The following OSBPL5 variants were observed in gnomAD, a reference collection of about 807,000 sequenced individuals.
OSBPL5 encodes the protein oxysterol-binding protein-related protein 5.
In OSBPL5, 71 loss-of-function variants were observed where a neutral mutation model predicts 111.2. The ratio of observed to expected loss-of-function variants is 0.64; its 90% CI spans 0.53 to 0.78. The LOEUF (loss-of-function observed/expected upper bound fraction) is 0.78. Ranked by LOEUF, OSBPL5 falls within the 30% of genes least tolerant of loss-of-function variation. The pLI is 0.00. For missense variants in OSBPL5, 1,210 were observed against 1,189.3 expected (o/e 1.02, Z -0.26); for synonymous variants, 549 against 513.9 (o/e 1.07, Z -0.93).
chr11:3,156,190 G>C (rs189578602), intron 1 of OSBPL5, among the ~76,000 whole-genome samples: 5 of 152,312 alleles, frequency 3.3e-5, no homozygotes, highest in Non-Finnish European at 5.9e-5. Flanking sequence ...TCAGTCCCCC[G>C]GGAGAGTGCC....
At chr11:3,120,100 G>C (rs1858349819) in intron 6 of OSBPL5, 1 of 495,756 alleles carries the variant, frequency 2.0e-6, no homozygotes, top group Non-Finnish European at 3.7e-6. Context: ...GGCAGCCCCG[G>C]GTTAGGAGGG....
At chr11:3,111,972 TATGTGTGC>T (rs1857961596) in intron 7 of OSBPL5, among the ~76,000 whole-genome samples, 2 of 119,420 alleles carry the variant, frequency 1.7e-5, no homozygotes, top group Non-Finnish European at 4.0e-5. Flanking sequence ...TGTGTGTGCA[TATGTGTGC>T]GCGCATGTGT....
intron 1 of OSBPL5, among the ~76,000 whole-genome samples, chr11:3,150,231 C>T (rs142903596): frequency 2.5e-3 from 380 of 152,292 alleles, no homozygotes; most frequent in Non-Finnish European, 4.3e-3. Context: ...AAGTTGCCCT[C>T]GGGAGCCAGG....
At chr11:3,119,792 T>C (rs1414483863) in intron 6 of OSBPL5, 161 bp from the exon 7 acceptor site, 1 of 584,568 alleles carries the variant, frequency 1.7e-6, no homozygotes, top group Admixed American at 3.8e-5. Flanking sequence ...GGTAGACACT[T>C]GGCTGCAGAG....
rs185192473 is a variant in OSBPL5, at chr11:3,126,515, A to G, written c.177T>C (p.Asp59=). ...CAGAGCTTGGGGTCGGGGGCCCTTC[A>G]TCCCTGGGCAGCGACGGGCCGTTGG... ...MEPNGPSLPR[D]EGPPTPSSAT... The change falls in exon 3 of 22, where the codon GAT becomes GAC. Residue 59 remains aspartate, a synonymous_variant. Coordinates refer to ENST00000263650, the MANE Select transcript of OSBPL5 (RefSeq NM_020896.4). This position sits in a 1 kb window ranked among gnomAD's most constrained non-coding sequence, Gnocchi z 6.5. 3.1e-6 allele frequency: 5 copies of G among 1,609,546 alleles called. No individual in the cohort carries two copies. Among genetic ancestry groups the G allele is most frequent in the Non-Finnish European group, 4.2e-6 (5 of 1,178,594 alleles).
At chr11:3,138,989 C>T (rs1272133749) in intron 1 of OSBPL5, among the ~76,000 whole-genome samples, 2 of 152,258 alleles carry the variant, frequency 1.3e-5, no homozygotes, top group East Asian at 1.9e-4. Context: ...AGACTGAGGT[C>T]CGTCTCCGCC....
rs1414354474 is a variant in OSBPL5 at position 3,107,426 on chromosome 11, G to A, written c.896C>T (p.Ala299Val). The A allele has an allele frequency of 3.7e-6, 6 of 1,613,986 alleles. No individual in the cohort carries two copies. In the African/African-American group the frequency reaches 8.0e-5, roughly 22 times the overall value. Residue 299 changes from alanine (A) to valine (V), a missense_variant, in exon 9 of 22, where the codon GCA becomes GTA. Physicochemically the swap from Ala to Val is moderately conservative, Grantham distance 64. Transcript: ENST00000263650. This position sits in a 1 kb window ranked among gnomAD's most constrained non-coding sequence, Gnocchi z 6.1. ...PLNGSSLEND[A>V]FSDKSERENP... ...CTCTCTCTCCGACTTGTCTGAGAAT[G>A]CATCGTTCTCCAGGGAAGACCCGTT...
At chr11:3,133,363 G>A (rs761885205) in intron 1 of OSBPL5, among the ~76,000 whole-genome samples, 41 of 152,254 alleles carry the variant, frequency 2.7e-4, no homozygotes, top group Non-Finnish European at 4.9e-4. Flanking sequence ...AGGCAGCAGC[G>A]ACCTGGGATC....
intron 14 of OSBPL5, 155 bp from the exon 15 acceptor site, chr11:3,094,489 A>G (rs537887486): frequency 9.6e-5 from 59 of 613,436 alleles, no homozygotes; most frequent in Non-Finnish European, 1.6e-4. Flanking sequence ...GGTGAGAAGG[A>G]CAGGAGGCGC....
At chr11:3,160,644 C>A (rs1402756157) in intron 1 of OSBPL5, among the ~76,000 whole-genome samples, 3 of 151,832 alleles carry the variant, frequency 2.0e-5, no homozygotes, top group African/African-American at 7.3e-5. Flanking sequence ...TGCTGACCAT[C>A]CCCAAAGTCC....
In OSBPL5 at chr11:3,130,899, G is replaced by C. The variant is rs560031870; in HGVS notation, c.-21-1730C>G. Among the ~76,000 whole-genome samples, 1 of 152,128 alleles carries C rather than the reference G, an allele frequency of 6.6e-6. No homozygotes were observed. The highest frequency in any genetic ancestry group is 1.5e-5 in the Non-Finnish European group (1 of 68,016). ...GGGAACCAGCAGCTGAGCGGAGGCC[G>C]GGCTTACTCAGACAGCTGAGATTTT... is the stretch of plus-strand genomic sequence containing the variant. On this transcript the variant is annotated intron_variant, in intron 1 of 21. Transcript: ENST00000263650. The surrounding 1 kb of genome is among the most constrained non-coding windows in gnomAD (Gnocchi z 4.5).
At chr11:3,095,990 C>A (rs972805813) in intron 14 of OSBPL5, among the ~76,000 whole-genome samples, 1 of 151,772 alleles carries the variant, frequency 6.6e-6, no homozygotes, top group African/African-American at 2.4e-5. Context: ...TCAGGCATCT[C>A]GAGATCAAAT....
chr11:3,153,983 C>T (rs766210650), intron 1 of OSBPL5, among the ~76,000 whole-genome samples: 12 of 152,236 alleles, frequency 7.9e-5, no homozygotes, highest in Non-Finnish European at 1.3e-4. Flanking sequence ...TCCCCAACAG[C>T]GCCGTCAGCC....
chr11:3,127,757 C>T (rs1247259356), intron 2 of OSBPL5, among the ~76,000 whole-genome samples: 4 of 152,178 alleles, frequency 2.6e-5, no homozygotes, highest in African/African-American at 9.6e-5. Flanking sequence ...GGCCCTTGGA[C>T]CACTCAAAGG....
rs980971558 is a variant in OSBPL5 at position 3,093,949 on chromosome 11, G to C, written c.1720-114C>G. 56 of 1,315,176 alleles carry C rather than the reference G, an allele frequency of 4.3e-5. No homozygotes were observed. In the African/African-American group the frequency reaches 6.0e-4, roughly 14 times the overall value. 81.5% of individuals were successfully genotyped at this position (1,315,176 alleles called of 1,614,324 possible). The stretch of plus-strand genomic sequence containing the variant: ...TCTTGGGGTGCCTGGGAGCCCAGGA[G>C]GGATGGACCCAACCCTCGCCAACGA... On this transcript the variant is annotated intron_variant, in intron 15 of 21. Coordinates refer to ENST00000263650, the MANE Select transcript of OSBPL5 (RefSeq NM_020896.4).
At position 3,092,947 on chromosome 11, in the gene OSBPL5, C is replaced by T; in HGVS notation, c.2052G>A (p.Arg684=). ...EEAQRQRARE[R]QESLMPWKPQ... ...GCTTCCAGGGCATGAGGCTCTCCTG[C>T]CGCTCACGGGCCCGCTGCCGCTGTG... is the stretch of plus-strand genomic sequence containing the variant. The change falls in exon 18 of 22, where the codon CGG becomes CGA. Residue 684 remains arginine, a synonymous_variant. Transcript: ENST00000263650. This position sits in a 1 kb window ranked among gnomAD's most constrained non-coding sequence, Gnocchi z 5.4. 2 of 1,584,456 alleles carry T rather than the reference C, an allele frequency of 1.3e-6. No homozygotes were observed. Among genetic ancestry groups the T allele is most frequent in the Non-Finnish European group, 1.7e-6 (2 of 1,166,358 alleles).
chr11:3,135,832 C>T (rs2134498125), intron 1 of OSBPL5, among the ~76,000 whole-genome samples: 1 of 152,360 alleles, frequency 6.6e-6, no homozygotes, highest in African/African-American at 2.4e-5. Context: ...GCTCCCACTT[C>T]CTCCTGCCCT....
At chr11:3,097,904 T>C (rs948426104) in intron 14 of OSBPL5, among the ~76,000 whole-genome samples, 2 of 152,028 alleles carry the variant, frequency 1.3e-5, no homozygotes, top group African/African-American at 4.8e-5. Flanking sequence ...CCATCTCTAC[T>C]AAAAATACAA....
Position 3,146,007 on chromosome 11 carries a change from A to T in OSBPL5, c.-21-16838T>A, listed in dbSNP as rs1846330722. ...CCCTCAGCTGCCGTTCCACTTGCGG[A>T]TGGGAGGATTCACCTGGGGGCCCCT... On this transcript the variant is annotated intron_variant, in intron 1 of 21. Coordinates refer to ENST00000263650, the MANE Select transcript of OSBPL5 (RefSeq NM_020896.4). The surrounding 1 kb of genome is among the most constrained non-coding windows in gnomAD (Gnocchi z 7.8). 6.6e-6 allele frequency among the ~76,000 whole-genome samples: 1 copy of T among 152,022 alleles called. No homozygotes were observed. Among genetic ancestry groups the T allele is most frequent in the Non-Finnish European group, 1.5e-5 (1 of 67,996 alleles).
Sources: allele counts gnomAD v4.1 joint callset (sites outside exome capture counted in the v4.1 genomes callset), GRCh38; gene constraint gnomAD v4.1.1; non-coding constraint Gnocchi (gnomAD v3.1); transcripts MANE v1.5; gene names NCBI Gene and HGNC (gene_info 2026-07-23, HGNC 2026-07-21).